Variants in DDHD2 observed in about 807,000 individuals in gnomAD.
DDHD2 encodes DDHD domain containing 2.
DDHD2 carries 62 observed loss-of-function variants against 91.2 expected under a neutral mutation model. The ratio of observed to expected loss-of-function variants is 0.68; its 90% CI spans 0.55 to 0.84. The LOEUF (loss-of-function observed/expected upper bound fraction) is 0.84, where lower values mean the gene tolerates loss of function less well. Ranked by LOEUF, DDHD2 falls within the 40% of genes least tolerant of loss-of-function variation. The pLI is 0.00. For missense variants in DDHD2, 740 were observed against 846.9 expected, an observed-to-expected ratio of 0.87 and a Z score of 1.57; for synonymous variants, 271 against 293.9, an observed-to-expected ratio of 0.92 and a Z score of 0.80.
chr8:38,267,752 G>T (rs761663669), downstream of DDHD2: 12 of 846,576 alleles, frequency 1.4e-5, no homozygotes, highest in Non-Finnish European at 1.9e-5. Flanking sequence ...GGGGAAGGGA[G>T]TAAGCGTTGA....
intron 3 of DDHD2, among the ~76,000 whole-genome samples, chr8:38,236,335 T>G (rs1390243746): frequency 6.6e-6 from 1 of 151,078 alleles, no homozygotes; most frequent in Non-Finnish European, 1.5e-5. Flanking sequence ...TGGTTTTTTT[T>G]TTTTGCTTTT....
At chr8:38,265,156 C>T (rs1807392328), downstream of DDHD2, 2 of 505,018 alleles carry the variant, frequency 4.0e-6, no homozygotes, top group African/African-American at 2.0e-5. Flanking sequence ...ATCCCAGATA[C>T]TCAGGAGGCT....
In DDHD2 at chr8:38,251,913, G is replaced by C; in HGVS notation, c.1346G>C (p.Gly449Ala). ...ACATAACTATTTTTTATTCTTTAGG[G>C]TATTAAGAGACCAGCCCCGCAGCCT... ...NYFSTRKNSM[G>A]IKRPAPQPAS... Residue 449 changes from glycine (G) to alanine (A), a missense_variant and splice_region_variant, in exon 12 of 18, where the codon GGT becomes GCT. By Grantham distance (60) the Gly-to-Ala change is moderately conservative. Transcript: ENST00000397166. The C allele has an allele frequency of 6.2e-7, 1 of 1,611,180 alleles. No individual in the cohort carries two copies. Among genetic ancestry groups the C allele is most frequent in the Non-Finnish European group, 8.5e-7 (1 of 1,177,406 alleles).
At position 38,238,091 on chromosome 8, in the gene DDHD2, T is replaced by A; in HGVS notation, c.504T>A (p.Leu168=). 6.8e-6 allele frequency: 11 copies of A among 1,608,132 alleles called. No individual in the cohort carries two copies. Among genetic ancestry groups the A allele is most frequent in the Non-Finnish European group, 9.3e-6 (11 of 1,178,222 alleles). The stretch of plus-strand genomic sequence containing the variant: ...TGCTCTGATCTGTTCTGTTTAAGCT[T>A]ATGGTGCATTACCAGCCAGTTGCAG... ...REIIILHNPK[L]MVHYQPVAGS... The change falls in exon 5 of 18, where the codon CTT becomes CTA. Residue 168 remains leucine, a splice_region_variant and synonymous_variant. Transcript: ENST00000397166.
chr8:38,257,573 A>G (rs531323050), intron 16 of DDHD2, among the ~76,000 whole-genome samples: 17 of 151,790 alleles, frequency 1.1e-4, no homozygotes, highest in African/African-American at 3.4e-4. Flanking sequence ...TATGTAATCA[A>G]ATGTGTTGTC....
chr8:38,243,453 A>C (rs1407966095), intron 7 of DDHD2, among the ~76,000 whole-genome samples: 1 of 152,160 alleles, frequency 6.6e-6, no homozygotes, highest in South Asian at 2.1e-4. Flanking sequence ...CTTTTTAGAA[A>C]ACTTTTTTTT....
Position 38,253,014 on chromosome 8 carries a change from C to A in DDHD2, c.1778C>A (p.Ser593Ter). ...GACCTTAAGAACAACTTGCTAGGTT[C>A]GCTGCGGATGGCCTGGAAGTCTTTT... ...SMDLKNNLLG[S>*]LRMAWKSFTR... The change falls in exon 15 of 18, where the codon TCG (serine) becomes TAG (stop). Residue 593 changes from serine (S) to a stop codon, truncating the protein, a stop_gained. Transcript: ENST00000397166. LOFTEE classifies it high-confidence loss of function. 6.2e-7 allele frequency: 1 copy of A among 1,614,090 alleles called. No individual in the cohort carries two copies. The highest frequency in any genetic ancestry group is 1.1e-5 in the South Asian group (1 of 91,072).
chr8:38,270,008 T>C (rs1053343112), intron 1 of DDHD2: 1 of 152,226 alleles, frequency 6.6e-6, no homozygotes, highest in African/African-American at 2.4e-5. Flanking sequence ...TTTCACACTA[T>C]GCAATAAAAC....
downstream of DDHD2, chr8:38,265,629 T>A (rs1807473152): frequency 6.6e-6 from 1 of 152,244 alleles, no homozygotes; most frequent in Non-Finnish European, 1.5e-5. Flanking sequence ...GGTTTCAATA[T>A]GTTGGCCAGG....
At chr8:38,272,409 G>A (rs1002137306), downstream of DDHD2, 2 of 152,222 alleles carry the variant, frequency 1.3e-5, no homozygotes, top group African/African-American at 4.8e-5. Flanking sequence ...TTAAAGAGGT[G>A]AATCACTGCC....
rs1453381938 is a variant in DDHD2, at chr8:38,233,111, A to G, written c.117A>G (p.Pro39=). 2 of 1,614,106 alleles carry G rather than the reference A, an allele frequency of 1.2e-6. No individual in the cohort carries two copies. Among genetic ancestry groups the G allele is most frequent in the South Asian group, 1.1e-5 (1 of 91,090 alleles). The part of the protein sequence containing the change: ...IDMDAGSLYE[P]VSPHWFYCKI... ...TGGATGCTGGCAGCTTGTATGAACCAGTTTCTCCCCATTGGTTTTATTGTA... is the reference window on the plus strand; with the variant it reads ...TGGATGCTGGCAGCTTGTATGAACCGGTTTCTCCCCATTGGTTTTATTGTA... Residue 39 remains proline, a synonymous_variant, in exon 2 of 18, where the codon CCA becomes CCG. Transcript: ENST00000397166.
rs774309381 is a variant in DDHD2 at position 38,234,515 on chromosome 8, G to A, written c.342G>A (p.Thr114=). ...TGGCATCGGAAGTGAGACGATGTAC[G>A]TGGTTTTACAAGGGGGACAAAGACA... ...DELASEVRRC[T]WFYKGDKDNK... Residue 114 remains threonine, a synonymous_variant, in exon 3 of 18, where the codon ACG becomes ACA. Transcript: ENST00000397166. 29 of 1,613,154 alleles carry A rather than the reference G, an allele frequency of 1.8e-5. No individual in the cohort carries two copies. The highest frequency in any genetic ancestry group is 5.0e-5 in the Admixed American group (3 of 59,638).
chr8:38,253,580 T>G lies in DDHD2; in HGVS notation c.1916T>G (p.Val639Gly). Reference sequence around the variant, plus strand: ...GATGTTAACACAGAAGAGACCTCTGTGGCAGTTAAAGAAGAAGTCCTGCCT... The same window carrying G: ...GATGTTAACACAGAAGAGACCTCTGGGGCAGTTAAAGAAGAAGTCCTGCCT... ...PSDVNTEETS[V>G]AVKEEVLPIN... is the part of the protein sequence containing the mutation. Residue 639 changes from valine to glycine, a missense_variant, in exon 16 of 18, where the codon GTG becomes GGG. By Grantham distance (109) the Val-to-Gly change is moderately radical (BLOSUM62 -3). Around this residue, in one of 2 missense-constraint regions of DDHD2, gnomAD observed 693 missense variants for 764.2 expected, o/e 0.91. Transcript: ENST00000397166. The G allele has an allele frequency of 6.2e-7, 1 of 1,614,156 alleles. No individual in the cohort carries two copies. The highest frequency in any genetic ancestry group is 8.5e-7 in the Non-Finnish European group (1 of 1,180,012).
At chr8:38,268,556 G>T in intron 1 of DDHD2, 1 of 1,514,990 alleles carries the variant, frequency 6.6e-7, no homozygotes, top group Middle Eastern at 1.7e-4. Context: ...GGACTCACTG[G>T]AGCTAACATA....
chr8:38,237,217 A>G (rs938256354), intron 3 of DDHD2, among the ~76,000 whole-genome samples: 3 of 152,006 alleles, frequency 2.0e-5, no homozygotes, highest in Non-Finnish European at 4.4e-5. Context: ...ATCTACTAAA[A>G]CTACAAAAGT....
At chr8:38,269,244 C>A in intron 1 of DDHD2, 1 of 1,408,638 alleles carries the variant, frequency 7.1e-7, no homozygotes, top group East Asian at 3.0e-5. Context: ...TGGCCACCTC[C>A]GCGGGGAGGG....
In DDHD2 at chr8:38,238,221, C is replaced by T. The variant is rs185403049; in HGVS notation, c.622+12C>T. ...TGACATTCATTGTGGTAATGTTAAT[C>T]GTTTATTTTTTCTTACCTTTGGATG... is the stretch of plus-strand genomic sequence containing the variant. On this transcript the variant is annotated intron_variant, in intron 5 of 17. Coordinates refer to ENST00000397166, the MANE Select transcript of DDHD2 (RefSeq NM_015214.3). 186 of 1,612,838 alleles carry T rather than the reference C, an allele frequency of 1.2e-4. No homozygotes were observed. The highest frequency in any genetic ancestry group is 1.3e-4 in the Non-Finnish European group (153 of 1,179,326).
downstream of DDHD2, among the ~76,000 whole-genome samples, chr8:38,265,244 C>T (rs1440586734): frequency 9.7e-5 from 13 of 133,490 alleles, no homozygotes; most frequent in South Asian, 2.3e-4. Context: ...CCAGCCTGGG[C>T]GCAGAGCTAG....
At chr8:38,234,214 G>A (rs763689562) in intron 2 of DDHD2, among the ~76,000 whole-genome samples, 180 bp from the exon 3 acceptor site, 11 of 152,024 alleles carry the variant, frequency 7.2e-5, no homozygotes, top group African/African-American at 1.9e-4. Context: ...TGGTTTTGAC[G>A]GTTTGTAAAG....
Sources: gnomAD v4.1 joint callset for allele counts (sites outside exome capture counted in the v4.1 genomes callset) on GRCh38, gnomAD v4.1.1 for gene constraint, gnomAD v4.1.1 regional missense constraint, MANE v1.5 for transcripts, NCBI Gene and HGNC (gene_info 2026-07-23, HGNC 2026-07-21) for gene names.